FHIT: variants seen among roughly 807,000 people sequenced by gnomAD.
FHIT encodes the protein fragile histidine triad diadenosine triphosphatase, also known as bis(5'-adenosyl)-triphosphatase.
Under a neutral mutation model 17.9 loss-of-function variants are expected in FHIT, and 19 were observed. That is an observed-to-expected ratio of 1.06 (90% CI 0.74 to 1.56). FHIT has a LOEUF of 1.56. Ranked by LOEUF, FHIT falls within the 40% of genes most tolerant of loss-of-function variation. The pLI is 0.00. For synonymous variants in FHIT, 81 were observed against 69.7 expected (o/e 1.16, Z -0.81); for missense variants, 248 against 189.2 (o/e 1.31, Z -1.82).
intron 5 of FHIT, among the ~76,000 whole-genome samples, chr3:60,526,150 A>ACG (rs1421729833): frequency 1.6e-4 from 25 of 151,768 alleles, no homozygotes; most frequent in African/African-American, 5.6e-4. Flanking sequence ...ACACACACAC[A>ACG]CACACACACA....
intron 8 of FHIT, among the ~76,000 whole-genome samples, chr3:59,837,748 C>T (rs540908741): frequency 4.7e-4 from 71 of 152,254 alleles, no homozygotes; most frequent in African/African-American, 1.5e-3. Context: ...ACTTGGACTG[C>T]TTGGGTTGGA....
intron 4 of FHIT, among the ~76,000 whole-genome samples, chr3:60,612,612 T>C (rs1450770081): frequency 6.6e-6 from 1 of 152,190 alleles, no homozygotes; most frequent in African/African-American, 2.4e-5. Context: ...CCATTCCAAG[T>C]CTGAAGAAAA....
intron 5 of FHIT, among the ~76,000 whole-genome samples, chr3:60,039,484 CT>C (rs1701350948): frequency 6.6e-6 from 1 of 152,114 alleles, no homozygotes; most frequent in Admixed American, 6.5e-5. Context: ...GGGAAGGCTG[CT>C]TAGGTGATGG....
intron 5 of FHIT, among the ~76,000 whole-genome samples, chr3:60,173,916 T>TATATATATATATATA (rs1343702595): frequency 1.5e-4 from 10 of 68,048 alleles, no homozygotes; most frequent in East Asian, 7.5e-4. Flanking sequence ...TATATATATA[T>TATATATATATATATA]GTTTTTTTTT....
intron 5 of FHIT, among the ~76,000 whole-genome samples, chr3:60,363,058 TGAGA>T: frequency 6.6e-6 from 1 of 152,134 alleles, no homozygotes; most frequent in East Asian, 1.9e-4. Context: ...AGGAGCTGAA[TGAGA>T]GACAGGTAAA....
intron 4 of FHIT, among the ~76,000 whole-genome samples, chr3:60,607,325 T>G (rs1322394603): frequency 1.3e-5 from 2 of 152,058 alleles, no homozygotes; most frequent in African/African-American, 4.8e-5. Flanking sequence ...CTCAGGGAAC[T>G]AAACAGTCAC....
At chr3:61,007,490 C>T (rs1018816406) in intron 3 of FHIT, among the ~76,000 whole-genome samples, 1 of 152,132 alleles carries the variant, frequency 6.6e-6, no homozygotes, top group African/African-American at 2.4e-5. Flanking sequence ...GAACTACTAA[C>T]TTCATCTTCC....
At chr3:59,777,387 A>AC (rs950734611) in intron 8 of FHIT, among the ~76,000 whole-genome samples, 15 of 151,824 alleles carry the variant, frequency 9.9e-5, no homozygotes, top group African/African-American at 3.4e-4. Context: ...TAAAAAAAAA[A>AC]CCCCTGACTT....
chr3:59,985,056 G>C (rs2107447080), intron 7 of FHIT, among the ~76,000 whole-genome samples: 1 of 152,076 alleles, frequency 6.6e-6, no homozygotes, highest in East Asian at 1.9e-4. Context: ...GTTACATTTT[G>C]TTTAGGAAAC....
At chr3:60,923,829 C>T (rs1295974730) in intron 3 of FHIT, among the ~76,000 whole-genome samples, 13 of 152,088 alleles carry the variant, frequency 8.5e-5, no homozygotes, top group African/African-American at 2.7e-4. Flanking sequence ...GGGTGACAGA[C>T]GGCACCTGGA....
At chr3:60,010,623 C>T (rs1037089794) in intron 7 of FHIT, among the ~76,000 whole-genome samples, 1 of 152,146 alleles carries the variant, frequency 6.6e-6, no homozygotes, top group Non-Finnish European at 1.5e-5. Context: ...AAAAATAGAG[C>T]CTTTTCTATG....
At chr3:59,770,280 A>G (rs935503650) in intron 8 of FHIT, among the ~76,000 whole-genome samples, 5 of 152,176 alleles carry the variant, frequency 3.3e-5, no homozygotes, top group Non-Finnish European at 7.3e-5. Flanking sequence ...TCCTCCTGAA[A>G]TATATGTTGA....
chr3:60,536,806 G>T (rs2035997344), intron 5 of FHIT, 54 bp downstream of exon 5: 2 of 1,538,142 alleles, frequency 1.3e-6, no homozygotes, highest in Non-Finnish European at 1.7e-6. Flanking sequence ...CATTTGGCTG[G>T]TTAGGCTCAG....
chr3:61,084,058 C>T (rs575448348), intron 2 of FHIT, among the ~76,000 whole-genome samples: 1 of 152,304 alleles, frequency 6.6e-6, no homozygotes, highest in Admixed American at 6.5e-5. Context: ...ATTGATTTAG[C>T]TCTCACACTC....
At chr3:60,052,438 C>T (rs766539075) in intron 5 of FHIT, among the ~76,000 whole-genome samples, 1 of 152,026 alleles carries the variant, frequency 6.6e-6, no homozygotes, top group African/African-American at 2.4e-5. Context: ...GAGGGCTGCC[C>T]GATTAGTTGA....
At chr3:60,638,893 G>A (rs1255804006) in intron 4 of FHIT, among the ~76,000 whole-genome samples, 6 of 151,348 alleles carry the variant, frequency 4.0e-5, no homozygotes, top group East Asian at 1.9e-4. Flanking sequence ...GGGTGGGAAT[G>A]GAGGGCTTTC....
intron 4 of FHIT, among the ~76,000 whole-genome samples, chr3:60,565,533 C>T (rs986499874): frequency 6.6e-6 from 1 of 151,994 alleles, no homozygotes; most frequent in African/African-American, 2.4e-5. Flanking sequence ...CAATGGATTT[C>T]ATTTACAAAA....
At chr3:60,039,453 T>C (rs1193644671) in intron 5 of FHIT, among the ~76,000 whole-genome samples, 3 of 151,962 alleles carry the variant, frequency 2.0e-5, no homozygotes, top group Non-Finnish European at 4.4e-5. Flanking sequence ...CAAAGCTAGG[T>C]GATGGAAAAA....
intron 5 of FHIT, among the ~76,000 whole-genome samples, chr3:60,274,751 T>C (rs1489552078): frequency 5.3e-5 from 8 of 152,146 alleles, no homozygotes; most frequent in African/African-American, 1.9e-4. Context: ...ACAAAACACA[T>C]CTTTAAGAGA....
Sources: gnomAD v4.1 joint callset for allele counts (sites outside exome capture counted in the v4.1 genomes callset) on GRCh38, gnomAD v4.1.1 for gene constraint, MANE v1.5 for transcripts, NCBI Gene and HGNC (gene_info 2026-07-23, HGNC 2026-07-21) for gene names.